The following CMIP variants were observed in gnomAD, a reference collection of about 807,000 sequenced individuals.
CMIP encodes C-Maf-inducing protein.
CMIP carries 13 observed loss-of-function variants against 97.3 expected under a neutral mutation model. That is an observed-to-expected ratio of 0.13 (90% CI 0.09 to 0.21). The LOEUF (loss-of-function observed/expected upper bound fraction) is 0.21, where lower values mean the gene tolerates loss of function less well. CMIP is among the 10% of genes least tolerant of loss of function. CMIP has a pLI of 1.00. For synonymous variants in CMIP, 538 were observed against 436.3 expected (o/e 1.23, Z -2.91); for missense variants, 847 against 1,024.9 (o/e 0.83, Z 2.37).
intron 3 of CMIP, among the ~76,000 whole-genome samples, chr16:81,647,107 G>A (rs1474543494): frequency 6.6e-6 from 1 of 152,186 alleles, no homozygotes; most frequent in Non-Finnish European, 1.5e-5. Context: ...CCACACCTTT[G>A]CCAACACTTG....
In CMIP at chr16:81,505,683, A is replaced by G. The variant is rs1597485002; in HGVS notation, c.300+60142A>G. On this transcript the variant is annotated intron_variant, in intron 1 of 20. Transcript: ENST00000537098. ...TCTCTTTGAGTCTCTCCTCAGTGAA[A>G]GAGTGGCTGGTTTAAATCAGGAACA... Among the ~76,000 whole-genome samples the G allele has an allele frequency of 3.9e-5, 6 of 152,358 alleles. No individual in the cohort carries two copies. In the South Asian group the frequency reaches 1.2e-3, roughly 32 times the overall value.
intron 1 of CMIP, among the ~76,000 whole-genome samples, chr16:81,516,481 C>T (rs1174041950): frequency 2.6e-5 from 4 of 152,214 alleles, no homozygotes; most frequent in Non-Finnish European, 2.9e-5. Context: ...AAGCCCTCCC[C>T]ACTCCCTTCC....
chr16:81,454,064 A>G (rs1906398121), intron 1 of CMIP, among the ~76,000 whole-genome samples: 1 of 152,156 alleles, frequency 6.6e-6, no homozygotes, highest in Non-Finnish European at 1.5e-5. Context: ...AATTCACATG[A>G]CCGTGATCTC....
rs751455480 is a variant in CMIP at position 81,640,738 on chromosome 16, A to ATGTGTGTGTGTGTGTG, written c.478-11447_478-11432dup. Reference sequence around the variant, plus strand: ...CCATACGTGGAGGTCTCTCTGGAGCATGTGTGTGTGTGTGTGTGTGTGTGT... The same window carrying ATGTGTGTGTGTGTGTG: ...CCATACGTGGAGGTCTCTCTGGAGCATGTGTGTGTGTGTGTGTGTGTGTGTGTGTGTGTGTGTGTGT... On this transcript the variant is annotated intron_variant, in intron 3 of 20. Coordinates refer to ENST00000537098, the MANE Select transcript of CMIP (RefSeq NM_198390.3). Among the ~76,000 whole-genome samples, 146 of 139,032 alleles carry ATGTGTGTGTGTGTGTG rather than the reference A, an allele frequency of 1.1e-3. 2 individuals carry two copies. Among genetic ancestry groups the ATGTGTGTGTGTGTGTG allele is most frequent in the African/African-American group, 2.3e-3 (85 of 37,700 alleles). The allele number at this position is 139,032 out of a possible 152,430, so 91.2% of individuals were successfully genotyped here.
intron 1 of CMIP, among the ~76,000 whole-genome samples, chr16:81,509,496 GT>G (rs2089771606): frequency 6.6e-6 from 1 of 152,284 alleles, no homozygotes; most frequent in South Asian, 2.1e-4. Flanking sequence ...TGAGCTTCTG[GT>G]TTTTTAGCTC....
chr16:81,645,382 C>G (rs1255307382), intron 3 of CMIP: 2 of 1,458,912 alleles, frequency 1.4e-6, no homozygotes, highest in Admixed American at 2.2e-5. Context: ...GCCCCAGAGG[C>G]TGCGGCAGCA....
chr16:81,577,480 A>G (rs1280055928), intron 1 of CMIP, among the ~76,000 whole-genome samples: 2 of 94,170 alleles, frequency 2.1e-5, no homozygotes, highest in Non-Finnish European at 3.0e-5. Flanking sequence ...TTACCACTAT[A>G]TTATTATCAC....
chr16:81,691,648 G>C, intron 10 of CMIP, 127 bp from the exon 11 acceptor site: 1 of 724,860 alleles, frequency 1.4e-6, no homozygotes, highest in Non-Finnish European at 2.5e-6. Context: ...GAAGTGGGTG[G>C]AGAAGTCAGT....
intron 1 of CMIP, among the ~76,000 whole-genome samples, chr16:81,527,496 A>G (rs2090155308): frequency 6.6e-6 from 1 of 152,298 alleles, no homozygotes; most frequent in South Asian, 2.1e-4. Flanking sequence ...ACACAACCAA[A>G]TGAACAGCTC....
chr16:81,583,752 G>A (rs779733146), intron 1 of CMIP, among the ~76,000 whole-genome samples: 1 of 152,186 alleles, frequency 6.6e-6, no homozygotes, highest in African/African-American at 2.4e-5. Flanking sequence ...TGGGAAAGAC[G>A]AGAGCATCTG....
intron 3 of CMIP, among the ~76,000 whole-genome samples, chr16:81,624,110 CTT>C (rs1406662637): frequency 6.9e-6 from 1 of 144,042 alleles, no homozygotes; most frequent in Non-Finnish European, 1.5e-5. Flanking sequence ...TTTCTTTTCT[CTT>C]TTCTCTGTCT....
intron 1 of CMIP, among the ~76,000 whole-genome samples, chr16:81,549,600 G>T (rs1184158791): frequency 6.6e-6 from 1 of 152,194 alleles, no homozygotes; most frequent in Non-Finnish European, 1.5e-5. Flanking sequence ...CAGTGGTCCT[G>T]AGAGGCGGGG....
intron 3 of CMIP, among the ~76,000 whole-genome samples, chr16:81,635,512 C>A (rs1267584604): frequency 1.3e-5 from 2 of 152,148 alleles, no homozygotes; most frequent in Non-Finnish European, 2.9e-5. Context: ...AGGGAAAAGC[C>A]AGATGCAGAC....
In CMIP at chr16:81,616,651, G is replaced by A. The variant is rs1042790978; in HGVS notation, c.427-4225G>A. ...TGCCACACCGACCTCCAAGAGTTGAGAGGATCCCAGAGTGGAACAGAAGTG... is the reference window on the plus strand; with the variant it reads ...TGCCACACCGACCTCCAAGAGTTGAAAGGATCCCAGAGTGGAACAGAAGTG... On this transcript the variant is annotated intron_variant, in intron 2 of 20. Transcript: ENST00000537098. The surrounding 1 kb of genome is among the most constrained non-coding windows in gnomAD (Gnocchi z 4.7). Among the ~76,000 whole-genome samples the A allele has an allele frequency of 6.6e-6, 1 of 152,244 alleles. No individual in the cohort carries two copies. Among genetic ancestry groups the A allele is most frequent in the African/African-American group, 2.4e-5 (1 of 41,464 alleles).
At chr16:81,600,275 G>GAAA (rs71146022) in intron 1 of CMIP, among the ~76,000 whole-genome samples, 99 of 81,648 alleles carry the variant, frequency 1.2e-3, no homozygotes, top group African/African-American at 3.7e-3. Flanking sequence ...GACTCCATCT[G>GAAA]AAAAAAAAAA....
At chr16:81,687,562 C>T (rs568294529) in intron 10 of CMIP, among the ~76,000 whole-genome samples, 4 of 152,160 alleles carry the variant, frequency 2.6e-5, no homozygotes, top group Admixed American at 1.3e-4. Flanking sequence ...CTTTGAAGCA[C>T]CTGAGGTCAG....
At chr16:81,643,660 TG>T (rs1475290165) in intron 3 of CMIP, among the ~76,000 whole-genome samples, 1 of 151,922 alleles carries the variant, frequency 6.6e-6, no homozygotes, top group African/African-American at 2.4e-5. Context: ...GGTGTGGTGG[TG>T]GGCGCCTATA....
chr16:81,455,269 G>A (rs1163125665), intron 1 of CMIP, among the ~76,000 whole-genome samples: 4 of 152,200 alleles, frequency 2.6e-5, no homozygotes, highest in African/African-American at 9.7e-5. Context: ...TGTGATTAGT[G>A]TGTTTCCTCT....
chr16:81,536,200 T>C (rs941480262), intron 1 of CMIP, among the ~76,000 whole-genome samples: 1 of 152,234 alleles, frequency 6.6e-6, no homozygotes, highest in Non-Finnish European at 1.5e-5. Context: ...GAGGCTTGTT[T>C]GGTGTGAAGG....
Sources: gnomAD v4.1 joint callset for allele counts (sites outside exome capture counted in the v4.1 genomes callset) on GRCh38, gnomAD v4.1.1 for gene constraint, Gnocchi (gnomAD v3.1) non-coding constraint, MANE v1.5 for transcripts, NCBI Gene and HGNC (gene_info 2026-07-23, HGNC 2026-07-21) for gene names.